The following SHC4 variants were observed in gnomAD, a reference collection of about 807,000 sequenced individuals.
SHC4 encodes the protein SHC adaptor protein 4.
In SHC4, 41 loss-of-function variants were observed where a neutral mutation model predicts 69.4. The ratio of observed to expected loss-of-function variants is 0.59; its 90% CI spans 0.46 to 0.77. The LOEUF is 0.77. SHC4 is among the 30% of genes least tolerant of loss of function. The pLI, the probability that SHC4 is intolerant of heterozygous loss-of-function variation, is 0.00. For missense variants in SHC4, 777 were observed against 783.8 expected, an observed-to-expected ratio of 0.99 and a Z score of 0.10; for synonymous variants, 318 against 299.3, an observed-to-expected ratio of 1.06 and a Z score of -0.64.
chr15:48,877,056 T>G (rs899650630), intron 4 of SHC4: 2 of 152,682 alleles, frequency 1.3e-5, no homozygotes, highest in African/African-American at 2.4e-5. Flanking sequence ...ACTTCAAATC[T>G]CCATACGTTC....
At chr15:48,848,002 A>G (rs1421496794) in intron 9 of SHC4, among the ~76,000 whole-genome samples, 6 of 98,640 alleles carry the variant, frequency 6.1e-5, no homozygotes, top group South Asian at 3.7e-4. Flanking sequence ...AACTCCGTCT[A>G]AAAAAAAAAA....
intron 10 of SHC4, among the ~76,000 whole-genome samples, chr15:48,841,172 G>A (rs1373373145): frequency 1.3e-5 from 2 of 152,096 alleles, no homozygotes; most frequent in South Asian, 2.1e-4. Flanking sequence ...CCTAATTTGG[G>A]CCACCCACTA....
chr15:48,914,069 C>T (rs1385132640), intron 2 of SHC4, among the ~76,000 whole-genome samples: 1 of 152,188 alleles, frequency 6.6e-6, no homozygotes, highest in Admixed American at 6.5e-5. Flanking sequence ...CCATGTTGCC[C>T]AGGCTGGTCT....
intron 2 of SHC4, among the ~76,000 whole-genome samples, chr15:48,914,155 C>T (rs1336172842): frequency 6.6e-6 from 1 of 152,254 alleles, no homozygotes; most frequent in Non-Finnish European, 1.5e-5. Context: ...GCCACCGCGC[C>T]CGGCGCGACA....
intron 1 of SHC4, among the ~76,000 whole-genome samples, chr15:48,952,212 C>G (rs2141039949): frequency 6.6e-6 from 1 of 152,212 alleles, no homozygotes; most frequent in East Asian, 1.9e-4. Flanking sequence ...ATAAATGATT[C>G]ATATATAATA....
chr15:48,921,462 G>A (rs1315954788), intron 2 of SHC4, among the ~76,000 whole-genome samples: 1 of 151,810 alleles, frequency 6.6e-6, no homozygotes, highest in African/African-American at 2.4e-5. Flanking sequence ...AGCCTCCCAA[G>A]TAGCTGGGAT....
chr15:48,872,966 G>A (rs1472130177), intron 4 of SHC4, among the ~76,000 whole-genome samples: 1 of 152,160 alleles, frequency 6.6e-6, no homozygotes, highest in African/African-American at 2.4e-5. Flanking sequence ...ATCTACCAAA[G>A]CTGATTATAT....
chr15:48,838,336 T>C (rs1898934386), intron 10 of SHC4, among the ~76,000 whole-genome samples: 1 of 152,226 alleles, frequency 6.6e-6, no homozygotes, highest in Admixed American at 6.5e-5. Flanking sequence ...ACCATGAGTA[T>C]TGATTTTGGA....
chr15:48,959,193 T>TA (rs1296515434), intron 1 of SHC4, among the ~76,000 whole-genome samples: 1 of 152,244 alleles, frequency 6.6e-6, no homozygotes, highest in Admixed American at 6.5e-5. Flanking sequence ...TCCCACTTTT[T>TA]ACCCAAGAGT....
intron 2 of SHC4, among the ~76,000 whole-genome samples, chr15:48,896,944 C>G (rs1162692878): frequency 6.6e-6 from 1 of 152,146 alleles, no homozygotes; most frequent in Non-Finnish European, 1.5e-5. Context: ...TCAGCCACAC[C>G]CTTGGGCCAA....
intron 4 of SHC4, among the ~76,000 whole-genome samples, chr15:48,874,888 C>G (rs929017520): frequency 6.6e-6 from 1 of 152,082 alleles, no homozygotes; most frequent in African/African-American, 2.4e-5. Context: ...GTTCCTGACC[C>G]GCCCATTATT....
At chr15:48,923,544 C>CAAAAAA (rs3075016) in intron 2 of SHC4, among the ~76,000 whole-genome samples, 33 of 92,980 alleles carry the variant, frequency 3.5e-4, no homozygotes, top group African/African-American at 1.2e-3. Context: ...GACTCTGTCT[C>CAAAAAA]AAAAAAAAAA....
intron 3 of SHC4, among the ~76,000 whole-genome samples, chr15:48,886,025 G>A (rs1186302360): frequency 2.0e-5 from 3 of 152,190 alleles, no homozygotes; most frequent in South Asian, 2.1e-4. Context: ...CTGGGAGGCC[G>A]AGGTGAGCAG....
chr15:48,902,761 T>G (rs1900340197), intron 2 of SHC4, among the ~76,000 whole-genome samples: 2 of 152,158 alleles, frequency 1.3e-5, no homozygotes, highest in African/African-American at 2.4e-5. Context: ...GAACTGCCCA[T>G]GGAGTCTGCT....
chr15:48,906,186 A>T (rs1276268107), intron 2 of SHC4, among the ~76,000 whole-genome samples: 1 of 152,254 alleles, frequency 6.6e-6, no homozygotes, highest in Non-Finnish European at 1.5e-5. Flanking sequence ...AAGTTTAGAA[A>T]TGTTCAACAA....
At chr15:48,851,914 C>T (rs192246340) in intron 8 of SHC4, among the ~76,000 whole-genome samples, 7 of 152,204 alleles carry the variant, frequency 4.6e-5, no homozygotes, top group East Asian at 3.9e-4. Context: ...GCAGTAGAAA[C>T]GGGAAAGTTT....
intron 10 of SHC4, among the ~76,000 whole-genome samples, chr15:48,842,429 C>T (rs1268362640): frequency 1.3e-5 from 2 of 152,098 alleles, no homozygotes; most frequent in Non-Finnish European, 2.9e-5. Flanking sequence ...ATCAAAAGTT[C>T]GAAGTAAATT....
intron 2 of SHC4, among the ~76,000 whole-genome samples, chr15:48,915,330 C>G (rs888825916): frequency 1.3e-5 from 2 of 152,156 alleles, no homozygotes; most frequent in African/African-American, 4.8e-5. Flanking sequence ...GAACCATTCC[C>G]AATTGATTGG....
At chr15:48,900,129 T>C (rs4775785) in intron 2 of SHC4, among the ~76,000 whole-genome samples, 35,228 of 152,096 alleles carry the variant, frequency 0.23, 5,035 homozygotes, top group East Asian at 0.56. Flanking sequence ...TTGTTTTCAA[T>C]GTAGTCACTC....
Sources: allele counts gnomAD v4.1 joint callset (sites outside exome capture counted in the v4.1 genomes callset), GRCh38; gene constraint gnomAD v4.1.1; transcripts MANE v1.5; gene names NCBI Gene and HGNC (gene_info 2026-07-23, HGNC 2026-07-21).